SPAG1: variants seen among roughly 807,000 people sequenced by gnomAD.
The protein encoded by SPAG1 is sperm-associated antigen 1.
A neutral mutation model predicts 100.5 loss-of-function variants in SPAG1; 69 were observed. The observed-to-expected ratio is 0.69, with a 90% CI of 0.57 to 0.84. SPAG1 has a LOEUF of 0.84. Ranked by LOEUF, SPAG1 falls within the 40% of genes least tolerant of loss-of-function variation. The pLI is 0.00. For missense variants in SPAG1, 955 were observed against 1,133.1 expected, an observed-to-expected ratio of 0.84 and a Z score of 2.26; for synonymous variants, 336 against 411.6, an observed-to-expected ratio of 0.82 and a Z score of 2.22.
chr8:100,194,139 C>G lies in SPAG1; in HGVS notation c.967C>G (p.Leu323Val). The G allele has an allele frequency of 1.3e-6, 2 of 1,584,738 alleles. No individual in the cohort carries two copies. Among genetic ancestry groups the G allele is most frequent in the Non-Finnish European group, 1.7e-6 (2 of 1,168,616 alleles). The change falls in exon 10 of 19, where the codon CTG becomes GTG. Residue 323 changes from leucine to valine, a missense_variant. By Grantham distance (32) the Leu-to-Val change is conservative (BLOSUM62 1). Coordinates refer to ENST00000388798, the MANE Select transcript of SPAG1 (RefSeq NM_003114.5). ...KKTLSEVERD[L>V]KNSEAASETQ... ...AACCTTGTCAGAGGTTGAAAGAGAT[C>G]TGAAAAATTCTGAAGCTGCATCTGA...
chr8:100,232,450 T>C (rs867800401), intron 15 of SPAG1, among the ~76,000 whole-genome samples: 25 of 152,122 alleles, frequency 1.6e-4, no homozygotes, highest in Admixed American at 6.5e-4. Context: ...TCTTCTGAGC[T>C]CCAGACTGAA....
intron 3 of SPAG1, among the ~76,000 whole-genome samples, chr8:100,169,880 G>C (rs1270654334): frequency 1.3e-5 from 2 of 151,908 alleles, no homozygotes; most frequent in African/African-American, 2.4e-5. Context: ...GCCCACAGTA[G>C]CCTGTTTCAT....
At chr8:100,165,365 T>C (rs1234456836) in intron 2 of SPAG1, 1 of 495,018 alleles carries the variant, frequency 2.0e-6, no homozygotes, top group Non-Finnish European at 4.1e-6. Flanking sequence ...CTTGAAATTC[T>C]TCTGTTGCAA....
At position 100,191,439 on chromosome 8, in the gene SPAG1, A is replaced by G; in HGVS notation, c.882A>G (p.Glu294=). ...TTYKHQNKLR[E]ATEDLSKVLD... ...ATAAACATCAAAACAAGCTCCGGGAAGCTACAGAAGATTTGAGTAAAGTAC... is the reference window on the plus strand; with the variant it reads ...ATAAACATCAAAACAAGCTCCGGGAGGCTACAGAAGATTTGAGTAAAGTAC... The change falls in exon 9 of 19, where the codon GAA becomes GAG. Residue 294 remains glutamate (E), a synonymous_variant. Coordinates refer to ENST00000388798, the MANE Select transcript of SPAG1 (RefSeq NM_003114.5). 6.2e-7 allele frequency: 1 copy of G among 1,614,112 alleles called. No homozygotes were observed. Among genetic ancestry groups the G allele is most frequent in the Non-Finnish European group, 8.5e-7 (1 of 1,179,974 alleles).
chr8:100,199,613 T>C (rs1007480676), intron 10 of SPAG1, among the ~76,000 whole-genome samples: 2 of 152,010 alleles, frequency 1.3e-5, no homozygotes, highest in Admixed American at 6.6e-5. Context: ...GCCCAGCTAA[T>C]TTTTTGTATT....
At chr8:100,221,898 A>G (rs2047249) in intron 13 of SPAG1, among the ~76,000 whole-genome samples, 103,679 of 152,224 alleles carry the variant, frequency 0.68, 36,088 homozygotes, top group African/African-American at 0.84. Flanking sequence ...CATAGGCAGA[A>G]GTGACAACCG....
At chr8:100,209,662 A>G (rs1259693697) in intron 10 of SPAG1, among the ~76,000 whole-genome samples, 1 of 151,976 alleles carries the variant, frequency 6.6e-6, no homozygotes, top group African/African-American at 2.4e-5. Flanking sequence ...ATTTCCATTT[A>G]TTCAAGTCTT....
At position 100,225,328 on chromosome 8, in the gene SPAG1, A is replaced by G; in HGVS notation, c.1844A>G (p.Gln615Arg). 6.2e-7 allele frequency: 1 copy of G among 1,613,552 alleles called. No homozygotes were observed. Among genetic ancestry groups the G allele is most frequent in the Non-Finnish European group, 8.5e-7 (1 of 1,179,946 alleles). The change falls in exon 14 of 19, where the codon CAG (glutamine) becomes CGG (arginine). Residue 615 changes from glutamine (Q) to arginine (R), a missense_variant. Coordinates refer to ENST00000388798, the MANE Select transcript of SPAG1 (RefSeq NM_003114.5). Reference protein sequence around the residue: ...QAGDSSSHRQQGITDEKTFKA... With the variant: ...QAGDSSSHRQRGITDEKTFKA... Reference sequence around the variant, plus strand: ...GGAGACTCCAGCAGCCATCGCCAGCAGGGCATCACAGGTGGGGGATGCCTG... The same window carrying G: ...GGAGACTCCAGCAGCCATCGCCAGCGGGGCATCACAGGTGGGGGATGCCTG...
chr8:100,164,486 G>A (rs183395912), intron 2 of SPAG1, among the ~76,000 whole-genome samples: 53 of 152,220 alleles, frequency 3.5e-4, no homozygotes, highest in South Asian at 1.0e-3. Context: ...GTGCAGTGGT[G>A]CGATCTCGGT....
chr8:100,200,765 A>G (rs1490721029), intron 10 of SPAG1, among the ~76,000 whole-genome samples: 1 of 151,402 alleles, frequency 6.6e-6, no homozygotes, highest in East Asian at 2.0e-4. Flanking sequence ...GTGTCTGTTC[A>G]TATCCTTTGC....
chr8:100,204,814 C>T (rs567800670), intron 10 of SPAG1, among the ~76,000 whole-genome samples: 8 of 152,200 alleles, frequency 5.3e-5, no homozygotes, highest in Admixed American at 3.3e-4. Flanking sequence ...TCAGACCTAA[C>T]AGTGGCAACT....
intron 10 of SPAG1, among the ~76,000 whole-genome samples, chr8:100,201,227 C>T (rs1047796957): frequency 1.3e-5 from 2 of 152,106 alleles, no homozygotes; most frequent in African/African-American, 4.8e-5. Context: ...AAGTGATCCT[C>T]CTACCTCAGC....
rs572706286 is a variant in SPAG1 at position 100,201,807 on chromosome 8, C to T, written c.1096+7539C>T. 1.6e-4 allele frequency among the ~76,000 whole-genome samples: 24 copies of T among 152,258 alleles called. 1 individual carries two copies. The highest frequency in any genetic ancestry group is 4.6e-4 in the African/African-American group (19 of 41,556). ...ATGCTGACTTCAAAAATTTTCCTTC[C>T]GATAGCTGAACACAGGGAGGTTCCT... On this transcript the variant is annotated intron_variant, in intron 10 of 18. Coordinates refer to ENST00000388798, the MANE Select transcript of SPAG1 (RefSeq NM_003114.5).
intron 10 of SPAG1, among the ~76,000 whole-genome samples, chr8:100,196,106 T>C (rs1475316704): frequency 6.6e-6 from 1 of 152,218 alleles, no homozygotes; most frequent in Non-Finnish European, 1.5e-5. Flanking sequence ...GTACCAAAGT[T>C]TATACATTCG....
At chr8:100,208,376 T>A (rs1463006260) in intron 10 of SPAG1, among the ~76,000 whole-genome samples, 1 of 152,174 alleles carries the variant, frequency 6.6e-6, no homozygotes, top group Non-Finnish European at 1.5e-5. Context: ...GTCTTAGTAT[T>A]ACCATGCCCT....
chr8:100,162,022 A>G (rs1815328503), intron 1 of SPAG1, among the ~76,000 whole-genome samples: 1 of 152,132 alleles, frequency 6.6e-6, no homozygotes, highest in South Asian at 2.1e-4. Flanking sequence ...GCCAACCCTC[A>G]GTTTGGTCCA....
In SPAG1 at chr8:100,231,139, G is replaced by GT. The variant is rs750067550; in HGVS notation, c.1856-10dup. 38 of 1,588,858 alleles carry GT rather than the reference G, an allele frequency of 2.4e-5. No individual in the cohort carries two copies. The highest frequency in any genetic ancestry group is 1.6e-4 in the East Asian group (7 of 44,556). On this transcript the variant is annotated splice_polypyrimidine_tract_variant and intron_variant, in intron 14 of 18. Transcript: ENST00000388798. ...CTTGTACAGATACTTCCTCTTCTTT[G>GT]TTTTTTTGTCCCATAGATGAAAAAA...
chr8:100,194,070 T>C (rs371119017), intron 9 of SPAG1, 42 bp from the exon 10 acceptor site: 4 of 1,237,806 alleles, frequency 3.2e-6, no homozygotes, highest in Non-Finnish European at 4.5e-6. Flanking sequence ...ATATTTATTA[T>C]TAGAGGAAAA....
At chr8:100,235,340 C>A (rs1238496216) in intron 16 of SPAG1, among the ~76,000 whole-genome samples, 1 of 152,182 alleles carries the variant, frequency 6.6e-6, no homozygotes, top group South Asian at 2.1e-4. Flanking sequence ...GAGGTTAGAA[C>A]TTCAACACAG....
Sources: allele counts gnomAD v4.1 joint callset (sites outside exome capture counted in the v4.1 genomes callset), GRCh38; gene constraint gnomAD v4.1.1; transcripts MANE v1.5; gene names NCBI Gene and HGNC (gene_info 2026-07-23, HGNC 2026-07-21).